Variants in SMARCA4 observed in about 807,000 individuals in gnomAD.
SMARCA4 encodes SWI/SNF related BAF chromatin remodeling complex subunit ATPase 4.
A neutral mutation model predicts 193.9 loss-of-function variants in SMARCA4; 31 were observed. The ratio of observed to expected loss-of-function variants is 0.16; its 90% CI spans 0.12 to 0.22. The LOEUF (loss-of-function observed/expected upper bound fraction) is 0.22, where lower values mean the gene tolerates loss of function less well. Among genes scored for constraint, SMARCA4 ranks in the 10% least tolerant of loss-of-function variants. The probability of loss-of-function intolerance (pLI) is 1.00; values close to 1 mark genes in which losing one functional copy is unlikely to be tolerated. For synonymous variants in SMARCA4, 942 were observed against 933.1 expected (o/e 1.01, Z -0.17); for missense variants, 1,148 against 2,296.0 (o/e 0.50, Z 10.22).
In SMARCA4 at chr19:11,061,801, C is replaced by T. The variant is rs1555797474; in HGVS notation, c.4929C>T (p.Gly1643=). ...EEQEEDRSGS[G]SEED ...CTCTCCAGGACCGCTCAGGAAGTGG[C>T]AGCGAAGAAGACTGAGCCCCGACAT... Residue 1643 remains glycine (G), a synonymous_variant, in exon 35 of 35, where the codon GGC becomes GGT. Coordinates refer to ENST00000344626, the MANE Select transcript of SMARCA4 (RefSeq NM_003072.5). 1.2e-6 allele frequency: 2 copies of T among 1,613,946 alleles called. No homozygotes were observed. Among genetic ancestry groups the T allele is most frequent in the Non-Finnish European group, 1.7e-6 (2 of 1,179,982 alleles).
Position 11,061,725 on chromosome 19 carries a change from G to A in SMARCA4, c.4912-59G>A, listed in dbSNP as rs904661590. 1.9e-5 allele frequency: 29 copies of A among 1,549,520 alleles called. No homozygotes were observed. In the South Asian group the frequency reaches 2.9e-4, roughly 15 times the overall value. On this transcript the variant is annotated intron_variant, in intron 34 of 34. Transcript: ENST00000344626. ...TTTATTTAAAGTTTGGCAGGTCCCT[G>A]GCAAGGTGCCCTGGCAGGGGTGGCC...
chr19:11,003,304 A>G (rs1459884905), intron 12 of SMARCA4, 36 bp from the exon 13 acceptor site: 2 of 1,609,826 alleles, frequency 1.2e-6, no homozygotes, highest in Non-Finnish European at 1.7e-6. Flanking sequence ...GCTGGCTCTG[A>G]GCAGATTTGT....
At chr19:10,978,750 C>A (rs1032104552) in intron 1 of SMARCA4, among the ~76,000 whole-genome samples, 1 of 151,088 alleles carries the variant, frequency 6.6e-6, no homozygotes, top group Non-Finnish European at 1.5e-5. Context: ...GCCAACATGG[C>A]GAAACCCCGT....
Position 11,033,166 on chromosome 19 carries a change from C to A in SMARCA4, c.3547-124C>A. 1.3e-6 allele frequency: 1 copy of A among 772,766 alleles called. No homozygotes were observed. The highest frequency in any genetic ancestry group is 2.3e-6 in the Non-Finnish European group (1 of 440,640). 47.9% of individuals were successfully genotyped at this position (772,766 alleles called of 1,614,324 possible). A position where few individuals can be genotyped will look rare whatever the true frequency, so the allele number is the denominator to read the frequency against. ...TGTTTTCATGCGGCGGCAGGTCAGG[C>A]TGGGCAGAATTGTCAGGCCGAGGGT... On this transcript the variant is annotated intron_variant, in intron 25 of 34. Transcript: ENST00000344626. The surrounding 1 kb of genome is among the most constrained non-coding windows in gnomAD (Gnocchi z 9.8).
intron 9 of SMARCA4, chr19:10,995,508 GA>G (rs1190317371): frequency 1.8e-5 from 8 of 456,534 alleles, no homozygotes; most frequent in African/African-American, 1.4e-4. Context: ...CTACAGTGAG[GA>G]GGGGGAAGTG....
chr19:10,986,713 C>A lies in SMARCA4; in HGVS notation c.760+120C>A. 7.0e-7 allele frequency: 1 copy of A among 1,424,422 alleles called. No individual in the cohort carries two copies. The highest frequency in any genetic ancestry group is 1.2e-5 in the South Asian group (1 of 80,554). The allele number at this position is 1,424,422 out of a possible 1,614,324, so 88.2% of individuals were successfully genotyped here. On this transcript the variant is annotated intron_variant, in intron 4 of 34. Transcript: ENST00000344626. The surrounding 1 kb of genome is among the most constrained non-coding windows in gnomAD (Gnocchi z 6.7). ...TTCCCCGGTTTGGGATTGCACGGGCCCATACTGCACTTCTGGGTGCTCGGG... is the reference window on the plus strand; with the variant it reads ...TTCCCCGGTTTGGGATTGCACGGGCACATACTGCACTTCTGGGTGCTCGGG...
rs878854224 is a variant in SMARCA4, at chr19:11,041,379, C to A, written c.4243C>A (p.Arg1415=). The part of the protein sequence containing the change: ...RQKKSSRKRK[R]DSDAGSSTPT... ...GAAGAAATCATCACGGAAGCGCAAGCGAGACAGCGACGCCGGCTCCTCCAC... is the reference window on the plus strand; with the variant it reads ...GAAGAAATCATCACGGAAGCGCAAGAGAGACAGCGACGCCGGCTCCTCCAC... Residue 1415 remains arginine, a synonymous_variant, in exon 30 of 35, where the codon CGA becomes AGA. Transcript: ENST00000344626. This position sits in a 1 kb window ranked among gnomAD's most constrained non-coding sequence, Gnocchi z 5.6. 6.2e-7 allele frequency: 1 copy of A among 1,612,584 alleles called. No individual in the cohort carries two copies. Among genetic ancestry groups the A allele is most frequent in the Non-Finnish European group, 8.5e-7 (1 of 1,179,986 alleles).
chr19:11,058,650 G>T lies in SMARCA4; in HGVS notation c.4534-138G>T. On this transcript the variant is annotated intron_variant, in intron 31 of 34. Coordinates refer to ENST00000344626, the MANE Select transcript of SMARCA4 (RefSeq NM_003072.5). The surrounding 1 kb of genome is among the most constrained non-coding windows in gnomAD (Gnocchi z 5.8). Reference sequence around the variant, plus strand: ...GCAGTTCCCATGCCTAGTGAGCCAGGTTACCGAGGCTGGCGCTTCGGCCAC... The same window carrying T: ...GCAGTTCCCATGCCTAGTGAGCCAGTTTACCGAGGCTGGCGCTTCGGCCAC... The T allele has an allele frequency of 1.3e-6, 1 of 759,084 alleles. No individual in the cohort carries two copies. Among genetic ancestry groups the T allele is most frequent in the Admixed American group, 2.0e-5 (1 of 50,006 alleles). The allele number at this position is 759,084 out of a possible 1,614,324, so 47.0% of individuals were successfully genotyped here.
Position 10,995,015 on chromosome 19 carries a change from T to A in SMARCA4, c.1593+14T>A, listed in dbSNP as rs201395711. On this transcript the variant is annotated intron_variant, in intron 9 of 34. Coordinates refer to ENST00000344626, the MANE Select transcript of SMARCA4 (RefSeq NM_003072.5). ...CGGAGGCTCATGGTATGGTCCTGCCTTCTTGACGTGCGCTCTTCTACATGT... is the reference window on the plus strand; with the variant it reads ...CGGAGGCTCATGGTATGGTCCTGCCATCTTGACGTGCGCTCTTCTACATGT... 684 of 1,601,998 alleles carry A rather than the reference T, an allele frequency of 4.3e-4. 1 individual carries two copies. The highest frequency in any genetic ancestry group is 5.5e-4 in the Non-Finnish European group (640 of 1,173,578).
chr19:11,059,032 T>A (rs966005023), intron 32 of SMARCA4, 143 bp downstream of exon 32: 1 of 691,646 alleles, frequency 1.4e-6, no homozygotes, highest in East Asian at 2.7e-5. Flanking sequence ...CCCAGCACTT[T>A]GGGAGGCCAA....
intron 33 of SMARCA4, 80 bp downstream of exon 33, chr19:11,059,965 C>T (rs2147119972): frequency 6.2e-7 from 1 of 1,612,786 alleles, no homozygotes; most frequent in Non-Finnish European, 8.5e-7. Context: ...CACAGCCCTC[C>T]CGGCTCCCAG....
rs545475085 is a variant in SMARCA4, at chr19:11,061,514, T to C, written c.4912-270T>C. Among the ~76,000 whole-genome samples the C allele has an allele frequency of 2.6e-5, 4 of 152,232 alleles. No homozygotes were observed. In the East Asian group the frequency reaches 7.7e-4, roughly 29 times the overall value. On this transcript the variant is annotated intron_variant, in intron 34 of 34. Transcript: ENST00000344626. The stretch of plus-strand genomic sequence containing the variant: ...CCTCAGCCTCCCAAGTAGCTGGGAC[T>C]ACAGGCGCCCGCCACCACGCCCGGC...
At chr19:11,046,701 C>T (rs1276914074) in intron 30 of SMARCA4, among the ~76,000 whole-genome samples, 1 of 152,130 alleles carries the variant, frequency 6.6e-6, no homozygotes, top group African/African-American at 2.4e-5. Flanking sequence ...CGCCTGTAAT[C>T]CCAGAACTTT....
At position 11,024,273 on chromosome 19, in the gene SMARCA4, G is replaced by C. The variant is rs1208796704; in HGVS notation, c.2974-58G>C. 7 of 1,197,144 alleles carry C rather than the reference G, an allele frequency of 5.8e-6. No homozygotes were observed. In the East Asian group the frequency reaches 7.0e-5, roughly 12 times the overall value. The allele number at this position is 1,197,144 out of a possible 1,614,324, so 74.2% of individuals were successfully genotyped here. A position where few individuals can be genotyped will look rare whatever the true frequency, so the allele number is the denominator to read the frequency against. On this transcript the variant is annotated intron_variant, in intron 20 of 34. Transcript: ENST00000344626. ...AGGGGGTCAGAGCTGGGTTCGGATG[G>C]GGGGAGTCAGGCCTCAAGCCACCTT... is the stretch of plus-strand genomic sequence containing the variant.
intron 1 of SMARCA4, among the ~76,000 whole-genome samples, chr19:10,969,008 T>A (rs2084462938): frequency 6.6e-6 from 1 of 152,178 alleles, no homozygotes; most frequent in South Asian, 2.1e-4. Flanking sequence ...CCTTCAAGGT[T>A]CTCATCCTAT....
chr19:11,023,448 C>G, intron 19 of SMARCA4, 70 bp from the exon 20 acceptor site: 1 of 999,284 alleles, frequency 1.0e-6, no homozygotes, highest in East Asian at 2.5e-5. Context: ...CACATCCGCA[C>G]CTTCTAGTGA....
chr19:11,043,696 G>A (rs2075745087), intron 30 of SMARCA4, among the ~76,000 whole-genome samples: 1 of 152,210 alleles, frequency 6.6e-6, no homozygotes, highest in South Asian at 2.1e-4. Context: ...TTAAAACATG[G>A]GCCAGGTATA....
intron 1 of SMARCA4, among the ~76,000 whole-genome samples, chr19:10,970,555 C>T (rs1374018773): frequency 6.6e-6 from 1 of 152,176 alleles, no homozygotes; most frequent in East Asian, 1.9e-4. Context: ...TACAGGTGTG[C>T]ACCACTGCCA....
At chr19:11,009,218 C>T (rs1451774830) in intron 14 of SMARCA4, among the ~76,000 whole-genome samples, 2 of 151,478 alleles carry the variant, frequency 1.3e-5, no homozygotes, top group Non-Finnish European at 2.9e-5. Context: ...GATGGGGTTT[C>T]ACCATGTTGG....
Sources: gnomAD v4.1 joint callset for allele counts (sites outside exome capture counted in the v4.1 genomes callset) on GRCh38, gnomAD v4.1.1 for gene constraint, Gnocchi (gnomAD v3.1) non-coding constraint, MANE v1.5 for transcripts, NCBI Gene and HGNC (gene_info 2026-07-23, HGNC 2026-07-21) for gene names.